The following PPP6C variants were observed in gnomAD, a reference collection of about 807,000 sequenced individuals.
The protein encoded by PPP6C is protein phosphatase 6 catalytic subunit.
In PPP6C, 11 loss-of-function variants were observed where a neutral mutation model predicts 39.8. The ratio of observed to expected loss-of-function variants is 0.28; its 90% CI spans 0.17 to 0.46. The LOEUF (loss-of-function observed/expected upper bound fraction) is 0.46, where lower values mean the gene tolerates loss of function less well. PPP6C is among the 20% of genes least tolerant of loss of function. The pLI is 1.00. For missense variants in PPP6C, 211 were observed against 373.9 expected (o/e 0.56, Z 3.59); for synonymous variants, 129 against 130.3 (o/e 0.99, Z 0.07).
At chr9:125,185,202 TTATAAGAAAGGTTACA>T (rs1829500160) in intron 1 of PPP6C, among the ~76,000 whole-genome samples, 1 of 152,070 alleles carries the variant, frequency 6.6e-6, no homozygotes, top group Non-Finnish European at 1.5e-5. Context: ...CATGAGCTCT[TTATAAGAAAGGTTACA>T]CTGTGGTCCA....
chr9:125,189,043 G>A, intron 1 of PPP6C: 1 of 930,674 alleles, frequency 1.1e-6, no homozygotes, highest in Non-Finnish European at 1.6e-6. Context: ...CTCAGAAACG[G>A]GATTCACCTC....
At chr9:125,156,987 TTTA>T (rs1327096068) in intron 4 of PPP6C, among the ~76,000 whole-genome samples, 1 of 151,992 alleles carries the variant, frequency 6.6e-6, no homozygotes, top group African/African-American at 2.4e-5. Context: ...CTAAATTTTT[TTTA>T]TTATTAAACT....
At chr9:125,158,072 T>TAACAGTGG (rs1286299449) in intron 4 of PPP6C, among the ~76,000 whole-genome samples, 169 bp downstream of exon 4, 1 of 152,100 alleles carries the variant, frequency 6.6e-6, no homozygotes, top group African/African-American at 2.4e-5. Flanking sequence ...ACCAAAAAGT[T>TAACAGTGG]AACAGTGGTC....
chr9:125,148,834 G>C lies in PPP6C; in HGVS notation c.*839C>G, dbSNP rs571493893. ...ATTAATATGGCAGTTATGTTCTTTA[G>C]GCACAGTTTAGTGATTTTTTTCAAA... is the stretch of plus-strand genomic sequence containing the variant. On this transcript the variant is annotated 3_prime_UTR_variant, in exon 7 of 7. Transcript: ENST00000373547. 6.6e-6 allele frequency: 1 copy of C among 152,068 alleles called. No homozygotes were observed. Among genetic ancestry groups the C allele is most frequent in the South Asian group, 2.1e-4 (1 of 4,816 alleles). The allele number at this position is 152,068 out of a possible 1,614,324, so 9.4% of individuals were successfully genotyped here.
intron 1 of PPP6C, chr9:125,171,835 TCAGCCACCGTGCC>T (rs1310942479): frequency 2.2e-6 from 1 of 454,838 alleles, no homozygotes; most frequent in Non-Finnish European, 4.4e-6. Context: ...ATTACAGGCG[TCAGCCACCGTGCC>T]CAGCCAGTAA....
chr9:125,151,771 GA>G (rs1157941516), intron 6 of PPP6C, among the ~76,000 whole-genome samples: 1 of 152,178 alleles, frequency 6.6e-6, no homozygotes, highest in Non-Finnish European at 1.5e-5. Context: ...TAACTGCTGG[GA>G]CTTCCTATCT....
At chr9:125,154,017 G>A in intron 4 of PPP6C, 32 bp from the exon 5 acceptor site, 2 of 1,453,086 alleles carry the variant, frequency 1.4e-6, no homozygotes, top group Non-Finnish European at 1.9e-6. Flanking sequence ...TTTAATTAAT[G>A]AATCTGCTAA....
chr9:125,158,299 A>G lies in PPP6C; in HGVS notation c.321T>C (p.Ile107=). The part of the protein sequence containing the change: ...LALKAKWPDR[I]TLLRGNHESR... ...TCTCATGATTTCCTCGCAAAAGTGTAATACGATCAGGCCATTTAGCCTTTA... is the reference window on the plus strand; with the variant it reads ...TCTCATGATTTCCTCGCAAAAGTGTGATACGATCAGGCCATTTAGCCTTTA... The change falls in exon 4 of 7, where the codon ATT becomes ATC. Residue 107 remains isoleucine, a synonymous_variant. Coordinates refer to ENST00000373547, the MANE Select transcript of PPP6C (RefSeq NM_002721.5). The G allele has an allele frequency of 6.2e-7, 1 of 1,611,814 alleles. No individual in the cohort carries two copies. The highest frequency in any genetic ancestry group is 1.1e-5 in the South Asian group (1 of 91,038).
intron 2 of PPP6C, 60 bp downstream of exon 2, chr9:125,171,025 T>C: frequency 8.8e-7 from 1 of 1,141,702 alleles, no homozygotes; most frequent in African/African-American, 1.6e-5. Context: ...GCAGCACATG[T>C]GAAAACACAC....
At chr9:125,168,674 G>A (rs902978716) in intron 2 of PPP6C, among the ~76,000 whole-genome samples, 2 of 151,664 alleles carry the variant, frequency 1.3e-5, no homozygotes, top group African/African-American at 2.4e-5. Flanking sequence ...TGCCAGGATG[G>A]TCTCGATCTC....
chr9:125,177,389 A>C (rs1017672943), intron 1 of PPP6C, among the ~76,000 whole-genome samples: 10 of 150,358 alleles, frequency 6.7e-5, no homozygotes, highest in Non-Finnish European at 1.2e-4. Context: ...AACAAACAAA[A>C]AAAATCTTAA....
chr9:125,153,498 T>A, intron 6 of PPP6C, 35 bp downstream of exon 6: 2 of 1,589,444 alleles, frequency 1.3e-6, no homozygotes, highest in Non-Finnish European at 1.7e-6. Flanking sequence ...CCATTAGCAA[T>A]CCACAAATTA....
chr9:125,154,463 C>T (rs554994577), intron 4 of PPP6C, among the ~76,000 whole-genome samples: 1 of 152,190 alleles, frequency 6.6e-6, no homozygotes, highest in Non-Finnish European at 1.5e-5. Context: ...AGTCCATCAT[C>T]GACTGAAATG....
In PPP6C at chr9:125,160,909, A is replaced by G. The variant is rs376203630; in HGVS notation, c.172-3T>C. ...AACAGTTCACAAAGGTCATAAAACTATAAAAGAAATGCAATACATGCTGAT... is the reference window on the plus strand; with the variant it reads ...AACAGTTCACAAAGGTCATAAAACTGTAAAAGAAATGCAATACATGCTGAT... On this transcript the variant is annotated splice_region_variant and splice_polypyrimidine_tract_variant and intron_variant, in intron 2 of 6. Transcript: ENST00000373547. The G allele has an allele frequency of 5.7e-6, 9 of 1,565,428 alleles. No individual in the cohort carries two copies. The highest frequency in any genetic ancestry group is 7.8e-6 in the Non-Finnish European group (9 of 1,160,398).
chr9:125,160,755 G>T, intron 3 of PPP6C, 86 bp downstream of exon 3: 1 of 983,532 alleles, frequency 1.0e-6, no homozygotes, highest in Non-Finnish European at 1.5e-6. Context: ...CTGTCACATG[G>T]TAAAGAATTA....
chr9:125,181,747 G>A (rs1257076281), intron 1 of PPP6C, among the ~76,000 whole-genome samples: 1 of 152,168 alleles, frequency 6.6e-6, no homozygotes, highest in Admixed American at 6.5e-5. Context: ...ATTGTGAATA[G>A]TGCTGCAGTA....
chr9:125,186,041 C>T (rs1278685770), intron 1 of PPP6C, among the ~76,000 whole-genome samples: 1 of 151,980 alleles, frequency 6.6e-6, no homozygotes, highest in African/African-American at 2.4e-5. Context: ...TCCAACTTAG[C>T]GAAACAGAAA....
chr9:125,184,551 T>C (rs559215884), intron 1 of PPP6C, among the ~76,000 whole-genome samples: 1 of 148,350 alleles, frequency 6.7e-6, no homozygotes, highest in East Asian at 2.0e-4. Context: ...ACTGAGACCC[T>C]ACCTCAAAGA....
intron 4 of PPP6C, among the ~76,000 whole-genome samples, chr9:125,155,670 G>A (rs1023425353): frequency 3.3e-5 from 5 of 152,132 alleles, no homozygotes; most frequent in Non-Finnish European, 7.4e-5. Context: ...TTGGGAGGCC[G>A]AGGCGGGCGG....
Sources: allele counts gnomAD v4.1 joint callset (sites outside exome capture counted in the v4.1 genomes callset), GRCh38; gene constraint gnomAD v4.1.1; transcripts MANE v1.5; gene names NCBI Gene and HGNC (gene_info 2026-07-23, HGNC 2026-07-21).